Variants in TMOD1 observed in about 807,000 individuals in gnomAD.
TMOD1 encodes the protein tropomodulin-1.
Under a neutral mutation model 40.6 loss-of-function variants are expected in TMOD1, and 17 were observed. The ratio of observed to expected loss-of-function variants is 0.42; its 90% CI spans 0.29 to 0.63. The LOEUF is 0.63. Ranked by LOEUF, TMOD1 falls within the 20% of genes least tolerant of loss-of-function variation. TMOD1 has a pLI of 0.22. For synonymous variants in TMOD1, 181 were observed against 175.0 expected (o/e 1.03, Z -0.27); for missense variants, 391 against 447.6 (o/e 0.87, Z 1.14).
intron 8 of TMOD1, among the ~76,000 whole-genome samples, chr9:97,574,398 T>A (rs1292781714): frequency 1.3e-5 from 2 of 152,188 alleles, no homozygotes; most frequent in East Asian, 3.9e-4. Flanking sequence ...TCGCCGGGCC[T>A]TAGCTGCCTC....
intron 2 of TMOD1, among the ~76,000 whole-genome samples, chr9:97,528,419 TTCTC>T (rs1830048811): frequency 6.6e-6 from 1 of 152,158 alleles, no homozygotes; most frequent in African/African-American, 2.4e-5. Flanking sequence ...AAAGACCCCT[TTCTC>T]TCTCAGTTCA....
At chr9:97,595,827 C>T (rs942487266) in intron 9 of TMOD1, among the ~76,000 whole-genome samples, 2 of 152,094 alleles carry the variant, frequency 1.3e-5, no homozygotes, top group Non-Finnish European at 2.9e-5. Context: ...AATCCCAGCA[C>T]TTTGGGAGGC....
chr9:97,517,035 G>T (rs572709103), intron 1 of TMOD1, among the ~76,000 whole-genome samples: 3 of 152,210 alleles, frequency 2.0e-5, no homozygotes, highest in Admixed American at 2.0e-4. Flanking sequence ...ACAACAAAAA[G>T]ATAGTGGGCC....
At chr9:97,577,405 A>G (rs535319936) in intron 8 of TMOD1, among the ~76,000 whole-genome samples, 2 of 152,244 alleles carry the variant, frequency 1.3e-5, no homozygotes, top group Non-Finnish European at 2.9e-5. Context: ...CGCTGCCTGT[A>G]TTCAAATCCT....
intron 9 of TMOD1, among the ~76,000 whole-genome samples, chr9:97,594,462 G>A (rs1313304587): frequency 1.3e-5 from 2 of 152,182 alleles, no homozygotes; most frequent in African/African-American, 4.8e-5. Context: ...TCCTCCTCGG[G>A]ACTGAGGCTG....
chr9:97,600,935 TA>T lies in TMOD1; in HGVS notation c.*1238del. 8.8e-7 allele frequency: 1 copy of T among 1,139,798 alleles called. No individual in the cohort carries two copies. Among genetic ancestry groups the T allele is most frequent in the South Asian group, 1.9e-5 (1 of 53,406 alleles). The allele number at this position is 1,139,798 out of a possible 1,614,324, so 70.6% of individuals were successfully genotyped here. ...ATTTTTGTTTGTTGCTTTTGGGAGT[TA>T]TTTTCATTAGTGATTTCAGCAAATC... On this transcript the variant is annotated 3_prime_UTR_variant, in exon 10 of 10. Coordinates refer to ENST00000259365, the MANE Select transcript of TMOD1 (RefSeq NM_003275.4).
At chr9:97,517,373 G>C (rs968060464) in intron 1 of TMOD1, among the ~76,000 whole-genome samples, 5 of 152,078 alleles carry the variant, frequency 3.3e-5, no homozygotes, top group African/African-American at 1.2e-4. Flanking sequence ...AAAGAGCTTT[G>C]TCAGGCTCAG....
At chr9:97,543,072 G>A (rs144905599) in intron 2 of TMOD1, among the ~76,000 whole-genome samples, 11 of 152,198 alleles carry the variant, frequency 7.2e-5, no homozygotes, top group African/African-American at 1.9e-4. Context: ...AACTAAATCC[G>A]TGGCCTCTAC....
Position 97,564,024 on chromosome 9 carries a change from AT to A in TMOD1, c.488-13del. The A allele has an allele frequency of 1.9e-6, 3 of 1,600,994 alleles. No individual in the cohort carries two copies. The highest frequency in any genetic ancestry group is 2.6e-6 in the Non-Finnish European group (3 of 1,175,192). ...TGTTTCTGTGAGCCACCTCCCTTTC[AT>A]CGGTCACTCTAGGCGTGATTAAACC... On this transcript the variant is annotated splice_polypyrimidine_tract_variant and intron_variant, in intron 5 of 9. Coordinates refer to ENST00000259365, the MANE Select transcript of TMOD1 (RefSeq NM_003275.4).
chr9:97,526,559 G>T (rs1194411430), intron 2 of TMOD1, among the ~76,000 whole-genome samples: 4 of 152,186 alleles, frequency 2.6e-5, no homozygotes, highest in African/African-American at 9.7e-5. Flanking sequence ...ATTAAAAATG[G>T]AATGTATCAC....
chr9:97,588,654 A>G (rs1269548831), intron 8 of TMOD1, among the ~76,000 whole-genome samples: 3 of 152,138 alleles, frequency 2.0e-5, no homozygotes, highest in East Asian at 1.9e-4. Flanking sequence ...TAATATTGCA[A>G]TATTAACAAT....
chr9:97,565,275 C>T (rs1007038161), intron 6 of TMOD1, among the ~76,000 whole-genome samples: 11 of 152,178 alleles, frequency 7.2e-5, no homozygotes, highest in African/African-American at 2.7e-4. Context: ...ATACCAACGC[C>T]CAGGCCTGAC....
intron 3 of TMOD1, among the ~76,000 whole-genome samples, chr9:97,547,106 C>T (rs10982655): frequency 0.044 from 6,728 of 152,150 alleles, 350 homozygotes; most frequent in East Asian, 0.14. Context: ...TCCCATTATA[C>T]TCTCTGCTCC....
At chr9:97,539,123 A>G (rs941438711) in intron 2 of TMOD1, among the ~76,000 whole-genome samples, 6 of 152,186 alleles carry the variant, frequency 3.9e-5, no homozygotes, top group Admixed American at 6.5e-5. Flanking sequence ...GGTTACTCCA[A>G]TTTTTTTAAT....
chr9:97,538,081 G>A (rs1470718248), intron 2 of TMOD1, among the ~76,000 whole-genome samples: 2 of 152,174 alleles, frequency 1.3e-5, no homozygotes, highest in Non-Finnish European at 2.9e-5. Flanking sequence ...CATGTCAACA[G>A]TCCGCTGGAG....
intron 2 of TMOD1, among the ~76,000 whole-genome samples, chr9:97,539,256 A>G (rs1185935581): frequency 1.3e-5 from 2 of 152,124 alleles, no homozygotes; most frequent in Non-Finnish European, 2.9e-5. Flanking sequence ...CTATGCATAC[A>G]TGATCACCAA....
In TMOD1 at chr9:97,555,585, C is replaced by A; in HGVS notation, c.397+2185C>A. 3 of 1,547,106 alleles carry A rather than the reference C, an allele frequency of 1.9e-6. No homozygotes were observed. In the South Asian group the frequency reaches 3.6e-5, roughly 19 times the overall value. ...TGGGAAGGAGAGGGGAGCTGTAAGTCTACACCAGTGTTAACTGGCTAACCT... is the reference window on the plus strand; with the variant it reads ...TGGGAAGGAGAGGGGAGCTGTAAGTATACACCAGTGTTAACTGGCTAACCT... On this transcript the variant is annotated intron_variant, in intron 4 of 9. Coordinates refer to ENST00000259365, the MANE Select transcript of TMOD1 (RefSeq NM_003275.4).
At chr9:97,575,501 G>A (rs561647694) in intron 8 of TMOD1, among the ~76,000 whole-genome samples, 1 of 152,368 alleles carries the variant, frequency 6.6e-6, no homozygotes, top group African/African-American at 2.4e-5. Flanking sequence ...CTCAAAGGGG[G>A]AGGAGTTCCC....
upstream of TMOD1, chr9:97,501,547 AG>A (rs757844698): frequency 4.9e-3 from 656 of 134,520 alleles, 1 homozygote; most frequent in Non-Finnish European, 7.4e-3. Context: ...CCCCGAGTGG[AG>A]GGGGGGGGAA....
Sources: gnomAD v4.1 joint callset for allele counts (sites outside exome capture counted in the v4.1 genomes callset) on GRCh38, gnomAD v4.1.1 for gene constraint, MANE v1.5 for transcripts, NCBI Gene and HGNC (gene_info 2026-07-23, HGNC 2026-07-21) for gene names.